VAV1: variants seen among roughly 807,000 people sequenced by gnomAD.
VAV1 encodes proto-oncogene vav.
VAV1 carries 33 observed loss-of-function variants against 128.1 expected under a neutral mutation model. That is an observed-to-expected ratio of 0.26 (90% CI 0.20 to 0.34). The LOEUF is 0.34. Among genes scored for constraint, VAV1 ranks in the 10% least tolerant of loss-of-function variants. VAV1 has a pLI of 1.00. For synonymous variants in VAV1, 394 were observed against 409.8 expected, an observed-to-expected ratio of 0.96 and a Z score of 0.47; for missense variants, 715 against 1,093.7, an observed-to-expected ratio of 0.65 and a Z score of 4.88.
In VAV1 at chr19:6,851,022, ATATG is replaced by A. The variant is rs1050174237; in HGVS notation, c.2217+271_2217+274del. The stretch of plus-strand genomic sequence containing the variant: ...ATACATATATTCAAGCATTATGTAT[ATATG>A]TATGTGTGTATATATGCATATATAC... On this transcript the variant is annotated intron_variant, in intron 24 of 26. Transcript: ENST00000602142. Among the ~76,000 whole-genome samples, 6 of 152,248 alleles carry A rather than the reference ATATG, an allele frequency of 3.9e-5. No homozygotes were observed. The South Asian group carries it at 1.0e-3, about 26-fold the overall frequency.
intron 1 of VAV1, chr19:6,784,138 C>G: frequency 1.9e-6 from 1 of 530,526 alleles, no homozygotes; most frequent in Non-Finnish European, 3.4e-6. Context: ...CCTATAGTCT[C>G]AGCTACTCAG....
At chr19:6,853,126 T>C (rs1180470830) in intron 25 of VAV1, 47 bp downstream of exon 25, 1 of 1,573,662 alleles carries the variant, frequency 6.4e-7, no homozygotes, top group Non-Finnish European at 8.7e-7. Context: ...CCCTTCCCAT[T>C]GTGGAGGGAA....
Position 6,790,986 on chromosome 19 carries a change from C to G in VAV1, c.204+17975C>G, listed in dbSNP as rs115893308. On this transcript the variant is annotated intron_variant, in intron 1 of 26. Transcript: ENST00000602142. ...CCTCAATCTGGTCCAGTGTCTGAGC[C>G]CCACCTCCAGAGTCGAGTCCTGCCT... 3.9e-3 allele frequency among the ~76,000 whole-genome samples: 592 copies of G among 152,278 alleles called. 5 individuals are homozygous for G. The highest frequency in any genetic ancestry group is 0.013 in the African/African-American group (559 of 41,568).
chr19:6,808,994 G>A (rs1188943890), intron 1 of VAV1, among the ~76,000 whole-genome samples: 2 of 151,998 alleles, frequency 1.3e-5, no homozygotes, highest in East Asian at 1.9e-4. Flanking sequence ...AAAGCAACAG[G>A]AGAAGTTGCA....
At chr19:6,836,324 A>T in intron 19 of VAV1, 108 bp from the exon 20 acceptor site, 1 of 1,360,660 alleles carries the variant, frequency 7.3e-7, no homozygotes, top group Non-Finnish European at 9.9e-7. Flanking sequence ...GTCAACACTT[A>T]GTATTGCCAG....
At chr19:6,852,059 G>C (rs1267378997) in intron 24 of VAV1, among the ~76,000 whole-genome samples, 2 of 152,096 alleles carry the variant, frequency 1.3e-5, no homozygotes, top group Non-Finnish European at 2.9e-5. Context: ...TGTGGCCCAG[G>C]CTAGAGTGCA....
At chr19:6,799,667 G>T (rs571755276) in intron 1 of VAV1, among the ~76,000 whole-genome samples, 16 of 151,794 alleles carry the variant, frequency 1.1e-4, no homozygotes, top group African/African-American at 3.9e-4. Flanking sequence ...AATTACTGAT[G>T]GCACTTTTGG....
Position 6,822,615 on chromosome 19 carries a change from C to T in VAV1, c.654+101C>T. On this transcript the variant is annotated intron_variant, in intron 6 of 26. Coordinates refer to ENST00000602142, the MANE Select transcript of VAV1 (RefSeq NM_005428.4). This position sits in a 1 kb window ranked among gnomAD's most constrained non-coding sequence, Gnocchi z 5.9. ...GCCGCTCTGGGCAGCTGAGGATTTCCTGCTCCCATCGCTTTTCCTTTCTGT... is the reference window on the plus strand; with the variant it reads ...GCCGCTCTGGGCAGCTGAGGATTTCTTGCTCCCATCGCTTTTCCTTTCTGT... 1 of 999,732 alleles carries T rather than the reference C, an allele frequency of 1.0e-6. No individual in the cohort carries two copies. Among genetic ancestry groups the T allele is most frequent in the South Asian group, 1.5e-5 (1 of 64,864 alleles). The allele number at this position is 999,732 out of a possible 1,614,324, so 61.9% of individuals were successfully genotyped here. A position where few individuals can be genotyped will look rare whatever the true frequency, so the allele number is the denominator to read the frequency against.
intron 1 of VAV1, among the ~76,000 whole-genome samples, chr19:6,799,844 CAAAAAAAAAAA>C (rs60826995): frequency 2.0e-5 from 1 of 48,950 alleles, no homozygotes; most frequent in East Asian, 6.5e-4. Context: ...GAGACTGTCT[CAAAAAAAAAAA>C]AAAAAAAAAA....
intron 13 of VAV1, 38 bp from the exon 14 acceptor site, chr19:6,829,748 G>T (rs1302815553): frequency 6.2e-7 from 1 of 1,611,554 alleles, no homozygotes; most frequent in Non-Finnish European, 8.5e-7. Context: ...GGGACAGTTG[G>T]GAAGAGCCAG....
chr19:6,812,614 G>A (rs1400585764), intron 1 of VAV1, among the ~76,000 whole-genome samples: 1 of 152,126 alleles, frequency 6.6e-6, no homozygotes, highest in Non-Finnish European at 1.5e-5. Context: ...TCACGCCACT[G>A]CACTCCAGCC....
intron 1 of VAV1, among the ~76,000 whole-genome samples, chr19:6,808,891 T>C (rs936602741): frequency 2.6e-5 from 4 of 152,196 alleles, no homozygotes; most frequent in Admixed American, 2.6e-4. Flanking sequence ...TAGTATAGGA[T>C]ACCTTTAGCT....
chr19:6,796,965 C>T (rs4807902), intron 1 of VAV1, among the ~76,000 whole-genome samples: 18 of 152,258 alleles, frequency 1.2e-4, no homozygotes, highest in South Asian at 2.1e-4. Flanking sequence ...TGGCCAGGCA[C>T]GGTGGCTCAC....
At chr19:6,830,950 G>C (rs986612554) in intron 14 of VAV1, among the ~76,000 whole-genome samples, 12 of 152,176 alleles carry the variant, frequency 7.9e-5, no homozygotes. Flanking sequence ...AATTTAGCTG[G>C]GCTTGGTGGC....
At chr19:6,832,053 G>T (rs747040293) in intron 14 of VAV1, 38 bp from the exon 15 acceptor site, 2 of 1,601,958 alleles carry the variant, frequency 1.2e-6, no homozygotes, top group Non-Finnish European at 1.7e-6. Flanking sequence ...ACCCTCTGCG[G>T]GGGCAGTGCC....
chr19:6,804,132 A>G (rs779830703), intron 1 of VAV1, among the ~76,000 whole-genome samples: 1 of 152,014 alleles, frequency 6.6e-6, no homozygotes, highest in Non-Finnish European at 1.5e-5. Flanking sequence ...AATACTCTCT[A>G]TGACACTATA....
chr19:6,793,973 GATAA>G (rs1023947948), intron 1 of VAV1, among the ~76,000 whole-genome samples: 4 of 151,822 alleles, frequency 2.6e-5, no homozygotes, highest in African/African-American at 9.7e-5. Flanking sequence ...CAGTGATACT[GATAA>G]ATGACTTCTT....
intron 24 of VAV1, among the ~76,000 whole-genome samples, chr19:6,851,084 C>T (rs1228412475): frequency 2.6e-5 from 4 of 151,722 alleles, no homozygotes; most frequent in Non-Finnish European, 5.9e-5. Flanking sequence ...TTAAATTTTA[C>T]TTACGTATAT....
chr19:6,774,921 A>ATT (rs61404391), intron 1 of VAV1, among the ~76,000 whole-genome samples: 44,738 of 136,956 alleles, frequency 0.33, 7,407 homozygotes, highest in South Asian at 0.45. Flanking sequence ...TGCCTGCCTA[A>ATT]TTTTTTTTTT....
Sources: allele counts gnomAD v4.1 joint callset (sites outside exome capture counted in the v4.1 genomes callset), GRCh38; gene constraint gnomAD v4.1.1; non-coding constraint Gnocchi (gnomAD v3.1); transcripts MANE v1.5; gene names NCBI Gene and HGNC (gene_info 2026-07-23, HGNC 2026-07-21).